FILIP1L: variants seen among roughly 807,000 people sequenced by gnomAD.
FILIP1L encodes the protein filamin A-interacting protein 1-like.
A neutral mutation model predicts 96.6 loss-of-function variants in FILIP1L; 55 were observed. That is an observed-to-expected ratio of 0.57 (90% CI 0.46 to 0.71). The LOEUF (loss-of-function observed/expected upper bound fraction) is 0.71. Among genes scored for constraint, FILIP1L ranks in the 30% least tolerant of loss-of-function variants. The probability of loss-of-function intolerance (pLI) is 0.00; values close to 1 mark genes in which losing one functional copy is unlikely to be tolerated. For synonymous variants in FILIP1L, 467 were observed against 473.9 expected, an observed-to-expected ratio of 0.99 and a Z score of 0.19; for missense variants, 1,304 against 1,321.2, an observed-to-expected ratio of 0.99 and a Z score of 0.20.
chr3:100,016,459 A>C (rs190529363), intron 1 of FILIP1L, among the ~76,000 whole-genome samples: 1 of 152,320 alleles, frequency 6.6e-6, no homozygotes, highest in Non-Finnish European at 1.5e-5. Context: ...TGCTGGGATT[A>C]CAGGTGTGAG....
intron 4 of FILIP1L, among the ~76,000 whole-genome samples, chr3:99,885,981 G>A (rs1433360291): frequency 6.6e-6 from 1 of 152,202 alleles, no homozygotes; most frequent in Non-Finnish European, 1.5e-5. Flanking sequence ...GGATATTTCT[G>A]ACTAAAAATC....
chr3:100,050,546 T>C (rs1343730049), intron 1 of FILIP1L, among the ~76,000 whole-genome samples: 1 of 152,218 alleles, frequency 6.6e-6, no homozygotes, highest in African/African-American at 2.4e-5. Flanking sequence ...TATTTGTTTG[T>C]TTTGAGACAG....
rs1709942273 is a variant in FILIP1L, at chr3:100,004,797, TA to T, written c.-10-73768del. On this transcript the variant is annotated intron_variant, in intron 1 of 5. Coordinates refer to ENST00000477258, the MANE Select transcript of FILIP1L (RefSeq NM_001387850.1). Reference sequence around the variant, plus strand: ...TCAAAATGAATTCTGGCTTCTGAGCTAGTCTGAGATTCTTAATGTTTGAGTT... The same window carrying T: ...TCAAAATGAATTCTGGCTTCTGAGCTGTCTGAGATTCTTAATGTTTGAGTT... Among the ~76,000 whole-genome samples the T allele has an allele frequency of 3.9e-5, 6 of 152,218 alleles. No individual in the cohort carries two copies. In the South Asian group the frequency reaches 1.2e-3, roughly 31 times the overall value.
intron 1 of FILIP1L, among the ~76,000 whole-genome samples, chr3:99,976,004 C>T (rs1202474168): frequency 6.6e-6 from 1 of 152,162 alleles, no homozygotes; most frequent in East Asian, 1.9e-4. Context: ...CCTGCCTCAG[C>T]CTCCCAAGTA....
chr3:99,880,964 T>C (rs767094668), intron 4 of FILIP1L, among the ~76,000 whole-genome samples: 41 of 152,230 alleles, frequency 2.7e-4, no homozygotes, highest in Non-Finnish European at 5.4e-4. Flanking sequence ...CTGTAGACAT[T>C]GGGCTATTTA....
At chr3:99,883,576 A>G (rs1235669145) in intron 4 of FILIP1L, among the ~76,000 whole-genome samples, 1 of 152,166 alleles carries the variant, frequency 6.6e-6, no homozygotes, top group Non-Finnish European at 1.5e-5. Context: ...CAACCATATC[A>G]CACTGTTGAG....
chr3:99,934,654 C>G (rs914125557), intron 1 of FILIP1L, among the ~76,000 whole-genome samples: 2 of 152,082 alleles, frequency 1.3e-5, no homozygotes, highest in African/African-American at 4.8e-5. Context: ...TAAGTAGTGC[C>G]CTTTTAGCTT....
rs550811770 is a variant in FILIP1L, at chr3:100,005,905, T to G, written c.-10-74875A>C. On this transcript the variant is annotated intron_variant, in intron 1 of 5. Coordinates refer to ENST00000477258, the MANE Select transcript of FILIP1L (RefSeq NM_001387850.1). ...ATGCAGCTGCTTGCTACCCACCATC[T>G]CTTTGCCACAGACCAGCTGTGTCCC... Among the ~76,000 whole-genome samples the G allele has an allele frequency of 2.6e-5, 4 of 152,278 alleles. No individual in the cohort carries two copies. In the East Asian group the frequency reaches 7.7e-4, roughly 29 times the overall value.
chr3:100,049,519 A>G (rs2065334554), intron 1 of FILIP1L, among the ~76,000 whole-genome samples: 1 of 152,194 alleles, frequency 6.6e-6, no homozygotes, highest in Admixed American at 6.5e-5. Context: ...TGCAGTACAG[A>G]AAATTAAAAT....
Position 100,047,216 on chromosome 3 carries a change from A to G in FILIP1L, c.-11+66837T>C, listed in dbSNP as rs962794767. On this transcript the variant is annotated intron_variant, in intron 1 of 5. Transcript: ENST00000477258. ...TAAGGAAGTGAAACTAGTAAAAACT[A>G]TCGGAGGGAAGTGTTGTTATTTTCT... 2.0e-5 allele frequency among the ~76,000 whole-genome samples: 3 copies of G among 152,212 alleles called. No homozygotes were observed. In the South Asian group the frequency reaches 6.2e-4, roughly 32 times the overall value.
chr3:100,097,997 G>A (rs1046984755), intron 1 of FILIP1L, among the ~76,000 whole-genome samples: 18 of 152,152 alleles, frequency 1.2e-4, no homozygotes, highest in African/African-American at 4.3e-4. Context: ...TTAATGTTTA[G>A]CTAGGCATAG....
intron 4 of FILIP1L, among the ~76,000 whole-genome samples, chr3:99,888,842 C>G (rs1337532277): frequency 6.6e-6 from 1 of 152,158 alleles, no homozygotes; most frequent in Non-Finnish European, 1.5e-5. Flanking sequence ...TAGCTTGTCT[C>G]TTTTCTCTCC....
chr3:100,041,587 C>A (rs559775163), intron 1 of FILIP1L, among the ~76,000 whole-genome samples: 3 of 151,102 alleles, frequency 2.0e-5, no homozygotes, highest in African/African-American at 4.9e-5. Context: ...ACTAAGGCTA[C>A]AAAAAAAATA....
intron 1 of FILIP1L, among the ~76,000 whole-genome samples, chr3:100,036,305 G>A (rs1248436104): frequency 1.3e-5 from 2 of 152,068 alleles, no homozygotes; most frequent in African/African-American, 4.8e-5. Flanking sequence ...CTGCAGGGCT[G>A]TTGGAGGAAA....
chr3:99,848,676 G>C lies in FILIP1L; in HGVS notation c.3000C>G (p.Ser1000=). 6.2e-7 allele frequency: 1 copy of C among 1,614,132 alleles called. No individual in the cohort carries two copies. Among genetic ancestry groups the C allele is most frequent in the Non-Finnish European group, 8.5e-7 (1 of 1,180,000 alleles). Residue 1000 remains serine, a synonymous_variant, in exon 5 of 6, where the codon TCC becomes TCG. Transcript: ENST00000477258. ...CAGTCACAGCCAAAACCTGAATAGG[G>C]GACATTGTCCTTTCTGGAGTTAGAG... ...CGSLTPERTM[S]PIQVLAVTGS...
rs556823181 is a variant in FILIP1L, at chr3:100,015,918, T to G, written c.-10-84888A>C. 2.0e-5 allele frequency among the ~76,000 whole-genome samples: 3 copies of G among 152,234 alleles called. No homozygotes were observed. The South Asian group carries it at 6.2e-4, about 32-fold the overall frequency. ...AAATTGTTGCTCAAAAATTGTTTTTTTAAAAACCTGATCCATGCTAATCAA... is the reference window on the plus strand; with the variant it reads ...AAATTGTTGCTCAAAAATTGTTTTTGTAAAAACCTGATCCATGCTAATCAA... On this transcript the variant is annotated intron_variant, in intron 1 of 5. Coordinates refer to ENST00000477258, the MANE Select transcript of FILIP1L (RefSeq NM_001387850.1).
chr3:100,030,461 G>A (rs1205645924), intron 1 of FILIP1L, among the ~76,000 whole-genome samples: 1 of 151,978 alleles, frequency 6.6e-6, no homozygotes. Context: ...GTAATGATTC[G>A]TCCTCCCTAC....
intron 1 of FILIP1L, among the ~76,000 whole-genome samples, chr3:99,933,702 G>A (rs964254481): frequency 1.1e-4 from 16 of 152,088 alleles, no homozygotes; most frequent in African/African-American, 3.9e-4. Context: ...TTATAGGTAT[G>A]TTCACAGATT....
intron 4 of FILIP1L, among the ~76,000 whole-genome samples, chr3:99,913,090 G>A (rs1179269694): frequency 6.6e-6 from 1 of 151,790 alleles, no homozygotes; most frequent in Admixed American, 6.6e-5. Flanking sequence ...ACAAGGAGAC[G>A]ACAGCGGTTT....
Sources: allele counts gnomAD v4.1 joint callset (sites outside exome capture counted in the v4.1 genomes callset), GRCh38; gene constraint gnomAD v4.1.1; transcripts MANE v1.5; gene names NCBI Gene and HGNC (gene_info 2026-07-23, HGNC 2026-07-21).